The following ZNF804A variants were observed in gnomAD, a reference collection of about 807,000 sequenced individuals.
ZNF804A encodes zinc finger protein 804A.
ZNF804A carries 2 observed loss-of-function variants against 16.5 expected under a neutral mutation model. That is an observed-to-expected ratio of 0.12 (90% CI 0.05 to 0.38). The LOEUF (loss-of-function observed/expected upper bound fraction) is 0.38, where lower values mean the gene tolerates loss of function less well. Ranked by LOEUF, ZNF804A falls within the 10% of genes least tolerant of loss-of-function variation. ZNF804A has a pLI of 0.99. For missense variants in ZNF804A, 1,473 were observed against 1,390.7 expected (o/e 1.06, Z -0.94); for synonymous variants, 534 against 489.6 (o/e 1.09, Z -1.20).
At chr2:184,661,141 G>A (rs1200151433) in intron 1 of ZNF804A, among the ~76,000 whole-genome samples, 1 of 152,140 alleles carries the variant, frequency 6.6e-6, no homozygotes, top group African/African-American at 2.4e-5. Context: ...TAGTATTTGT[G>A]GTTCAGCAGG....
At chr2:184,815,920 C>T (rs1487788680) in intron 1 of ZNF804A, among the ~76,000 whole-genome samples, 4 of 152,030 alleles carry the variant, frequency 2.6e-5, no homozygotes, top group East Asian at 1.9e-4. Context: ...AGTTTGTGGC[C>T]TCTTGTCAAT....
Position 184,939,028 on chromosome 2 carries a change from C to T in ZNF804A, c.*2C>T. The T allele has an allele frequency of 1.2e-6, 2 of 1,612,008 alleles. No individual in the cohort carries two copies. Among genetic ancestry groups the T allele is most frequent in the Non-Finnish European group, 1.7e-6 (2 of 1,178,472 alleles). ...ATCCCTTTGCAACCTCTCTTCTAGT[C>T]ATCACCATAATGGGAAAAAAATACT... On this transcript the variant is annotated 3_prime_UTR_variant, in exon 4 of 4. Transcript: ENST00000302277.
chr2:184,816,240 C>T (rs2105788892), intron 1 of ZNF804A, among the ~76,000 whole-genome samples: 1 of 152,094 alleles, frequency 6.6e-6, no homozygotes, highest in South Asian at 2.1e-4. Context: ...CGCCTAATTC[C>T]CCAAGTGACT....
intron 1 of ZNF804A, among the ~76,000 whole-genome samples, chr2:184,640,711 T>C (rs1042816744): frequency 6.6e-5 from 10 of 152,314 alleles, no homozygotes; most frequent in Non-Finnish European, 1.3e-4. Flanking sequence ...TTATTCATTA[T>C]ATTAGAATAA....
chr2:184,733,750 G>A (rs1027813437), intron 1 of ZNF804A, among the ~76,000 whole-genome samples: 3 of 152,148 alleles, frequency 2.0e-5, no homozygotes, highest in African/African-American at 7.2e-5. Flanking sequence ...TTGGCAAGTT[G>A]TGGCTTTTAA....
intron 1 of ZNF804A, among the ~76,000 whole-genome samples, chr2:184,735,084 A>G (rs1693585660): frequency 6.6e-6 from 1 of 152,100 alleles, no homozygotes; most frequent in African/African-American, 2.4e-5. Flanking sequence ...GATAACATGT[A>G]GTGGATCTTG....
intron 1 of ZNF804A, among the ~76,000 whole-genome samples, chr2:184,818,508 A>G (rs1172047080): frequency 1.3e-5 from 2 of 152,108 alleles, no homozygotes; most frequent in Non-Finnish European, 2.9e-5. Flanking sequence ...ACAAGTCTGC[A>G]AAATAACCAG....
At chr2:184,636,549 CTGTGTGTGTGTGTGTGTGTGTG>C (rs71011052) in intron 1 of ZNF804A, among the ~76,000 whole-genome samples, 1 of 138,514 alleles carries the variant, frequency 7.2e-6, no homozygotes, top group Non-Finnish European at 1.6e-5. Flanking sequence ...GGCTCTAGGG[CTGTGTGTGTGTGTGTGTGTGTG>C]TGTGTGTGTG....
chr2:184,620,113 A>G (rs1691393634), intron 1 of ZNF804A, among the ~76,000 whole-genome samples: 1 of 151,774 alleles, frequency 6.6e-6, no homozygotes, highest in African/African-American at 2.4e-5. Flanking sequence ...AATATAAACT[A>G]TTAAAGAAAG....
intron 1 of ZNF804A, among the ~76,000 whole-genome samples, chr2:184,754,888 T>C (rs1016083909): frequency 1.3e-5 from 2 of 151,804 alleles, no homozygotes; most frequent in Non-Finnish European, 1.5e-5. Flanking sequence ...GTGTCTTACT[T>C]TGCAGCAGGA....
At chr2:184,747,368 TTGTAAA>T (rs895783252) in intron 1 of ZNF804A, among the ~76,000 whole-genome samples, 1 of 146,500 alleles carries the variant, frequency 6.8e-6, no homozygotes, top group African/African-American at 2.5e-5. Flanking sequence ...AATAAACAAC[TTGTAAA>T]TGTACAGATG....
At chr2:184,879,668 T>G (rs2105817137) in intron 2 of ZNF804A, among the ~76,000 whole-genome samples, 1 of 152,056 alleles carries the variant, frequency 6.6e-6, no homozygotes, top group Non-Finnish European at 1.5e-5. Flanking sequence ...AATCAGAAAT[T>G]TAGGGATTTG....
intron 2 of ZNF804A, among the ~76,000 whole-genome samples, chr2:184,930,548 G>C (rs1359109621): frequency 6.6e-6 from 1 of 152,106 alleles, no homozygotes; most frequent in Non-Finnish European, 1.5e-5. Context: ...TTAAATATTA[G>C]AGATCATTTT....
At position 184,717,631 on chromosome 2, in the gene ZNF804A, C is replaced by A. The variant is rs1693235052; in HGVS notation, c.111+118561C>A. Among the ~76,000 whole-genome samples, 3 of 152,292 alleles carry A rather than the reference C, an allele frequency of 2.0e-5. No individual in the cohort carries two copies. In the South Asian group the frequency reaches 6.2e-4, roughly 32 times the overall value. On this transcript the variant is annotated intron_variant, in intron 1 of 3. Coordinates refer to ENST00000302277, the MANE Select transcript of ZNF804A (RefSeq NM_194250.2). ...ATTGCATTACATGTAAGTTGGCAAA[C>A]AAACCATGGTCACTTTTAGAGTATA... is the stretch of plus-strand genomic sequence containing the variant.
chr2:184,922,809 T>C (rs1685550409), intron 2 of ZNF804A, among the ~76,000 whole-genome samples: 1 of 152,166 alleles, frequency 6.6e-6, no homozygotes, highest in African/African-American at 2.4e-5. Context: ...TGCAATTTAT[T>C]GAAGAGACTG....
chr2:184,802,413 T>C (rs970459364), intron 1 of ZNF804A, among the ~76,000 whole-genome samples: 1 of 152,228 alleles, frequency 6.6e-6, no homozygotes, highest in East Asian at 1.9e-4. Context: ...TATCGTTGTG[T>C]CCTTTAAGGT....
intron 1 of ZNF804A, among the ~76,000 whole-genome samples, chr2:184,790,084 A>G (rs1694509831): frequency 6.6e-6 from 1 of 152,024 alleles, no homozygotes; most frequent in Admixed American, 6.6e-5. Flanking sequence ...TGTTTACTCC[A>G]AAGTTGTTAA....
intron 1 of ZNF804A, among the ~76,000 whole-genome samples, chr2:184,607,382 T>C (rs1691166502): frequency 6.6e-6 from 1 of 152,186 alleles, no homozygotes. Context: ...TCAGAAAACT[T>C]ACAATCATGG....
intron 2 of ZNF804A, among the ~76,000 whole-genome samples, chr2:184,870,885 A>G (rs1695964322): frequency 6.6e-6 from 1 of 151,988 alleles, no homozygotes; most frequent in South Asian, 2.1e-4. Flanking sequence ...GAGTAATGCT[A>G]CTGATGATAA....
Sources: allele counts gnomAD v4.1 joint callset (sites outside exome capture counted in the v4.1 genomes callset), GRCh38; gene constraint gnomAD v4.1.1; transcripts MANE v1.5; gene names NCBI Gene and HGNC (gene_info 2026-07-23, HGNC 2026-07-21).